The following TNC variants were observed in gnomAD, a reference collection of about 807,000 sequenced individuals.
TNC encodes the protein tenascin.
TNC carries 109 observed loss-of-function variants against 202.4 expected under a neutral mutation model. That is an observed-to-expected ratio of 0.54 (90% CI 0.46 to 0.63). The LOEUF is 0.63. Ranked by LOEUF, TNC falls within the 30% of genes least tolerant of loss-of-function variation. The pLI is 0.00. For synonymous variants in TNC, 1,007 were observed against 1,089.7 expected (o/e 0.92, Z 1.50); for missense variants, 2,756 against 2,833.3 (o/e 0.97, Z 0.62).
chr9:115,045,541 ATTTTT>A (rs61415443), intron 17 of TNC, among the ~76,000 whole-genome samples: 32 of 110,124 alleles, frequency 2.9e-4, no homozygotes, highest in Admixed American at 1.9e-3. Flanking sequence ...TAAGTTTTTG[ATTTTT>A]TTTTTTTTTT....
At chr9:115,069,274 G>C (rs1297225208) in intron 10 of TNC, among the ~76,000 whole-genome samples, 4 of 152,152 alleles carry the variant, frequency 2.6e-5, no homozygotes, top group African/African-American at 9.7e-5. Context: ...ATGAAAATAT[G>C]CTTTGCTGGC....
intron 22 of TNC, among the ~76,000 whole-genome samples, chr9:115,033,709 C>T (rs1422179708): frequency 1.3e-5 from 2 of 152,196 alleles, no homozygotes; most frequent in African/African-American, 4.8e-5. Context: ...AGCCACTCAT[C>T]TCTACTTGCT....
chr9:115,117,280 G>A (rs940135302), intron 1 of TNC, among the ~76,000 whole-genome samples: 1 of 152,052 alleles, frequency 6.6e-6, no homozygotes, highest in African/African-American at 2.4e-5. Context: ...GGATGTTGTT[G>A]CTCAGATCTT....
chr9:115,064,506 G>A (rs1262716990), intron 11 of TNC, 141 bp downstream of exon 11: 4 of 1,108,720 alleles, frequency 3.6e-6, no homozygotes, highest in Non-Finnish European at 2.6e-6. Context: ...TCTGTAGCGT[G>A]ATGGCCTCGT....
chr9:115,084,522 A>G, intron 3 of TNC, 50 bp from the exon 4 acceptor site: 1 of 1,588,972 alleles, frequency 6.3e-7, no homozygotes, highest in African/African-American at 1.3e-5. Flanking sequence ...GTCCTCTAAA[A>G]TCTCTCTAGG....
chr9:115,059,988 G>C lies in TNC; in HGVS notation c.4048C>G (p.Leu1350Val), dbSNP rs755630963. The C allele has an allele frequency of 6.8e-6, 11 of 1,612,958 alleles. No individual in the cohort carries two copies. The highest frequency in any genetic ancestry group is 9.3e-6 in the Non-Finnish European group (11 of 1,179,320). Residue 1350 changes from leucine to valine, a missense_variant, in exon 14 of 28, where the codon CTG becomes GTG. Physicochemically the swap from Leu to Val is conservative, Grantham distance 32. Coordinates refer to ENST00000350763, the MANE Select transcript of TNC (RefSeq NM_002160.4). ...VEVVTEDLPQ[L>V]GDLAVSEVGW... ...ACCTCAGACACGGCTAAATCTCCCA[G>C]CTGTGGGAGATCCTCTGAAGAAGGA...
intron 15 of TNC, among the ~76,000 whole-genome samples, chr9:115,051,541 T>C (rs1831662907): frequency 6.6e-6 from 1 of 151,238 alleles, no homozygotes. Flanking sequence ...TTTTTTCTTT[T>C]TTTTTTTTTT....
chr9:115,057,540 T>C (rs1393950819), intron 14 of TNC, 115 bp from the exon 15 acceptor site: 1 of 1,123,424 alleles, frequency 8.9e-7, no homozygotes, highest in Admixed American at 2.4e-5. Flanking sequence ...GATCTGATAA[T>C]TCAGGGCTAT....
At chr9:115,060,125 GTC>G in intron 13 of TNC, 123 bp from the exon 14 acceptor site, 2 of 1,125,642 alleles carry the variant, frequency 1.8e-6, no homozygotes, top group Non-Finnish European at 2.4e-6. Context: ...TTAATTCTTG[GTC>G]TCTGAGCATT....
intron 4 of TNC, 116 bp from the exon 5 acceptor site, chr9:115,082,923 A>C (rs1386788101): frequency 6.5e-5 from 44 of 677,772 alleles, no homozygotes; most frequent in Non-Finnish European, 1.1e-4. Flanking sequence ...GCTGACAACC[A>C]GAGCAGGTGT....
At chr9:115,083,602 CTTT>C (rs34162026) in intron 4 of TNC, among the ~76,000 whole-genome samples, 6 of 129,480 alleles carry the variant, frequency 4.6e-5, no homozygotes, top group African/African-American at 1.2e-4. Context: ...AATGAGGACT[CTTT>C]TTTTTTTTTT....
At chr9:115,054,903 C>CA (rs1379002936) in intron 15 of TNC, among the ~76,000 whole-genome samples, 1 of 152,106 alleles carries the variant, frequency 6.6e-6, no homozygotes, top group Non-Finnish European at 1.5e-5. Context: ...AAGTACATGT[C>CA]AAAAAAGAGT....
intron 3 of TNC, among the ~76,000 whole-genome samples, 185 bp downstream of exon 3, chr9:115,085,679 T>A (rs1742886291): frequency 6.6e-6 from 1 of 152,202 alleles, no homozygotes; most frequent in Non-Finnish European, 1.5e-5. Flanking sequence ...TAGGTCACCT[T>A]GTAACAACGG....
In TNC at chr9:115,085,922, T is replaced by C. The variant is rs3827815; in HGVS notation, c.1809A>G (p.Gln603=). 0.1 allele frequency: 163,896 copies of C among 1,613,148 alleles called. 8,814 individuals carry two copies. Among genetic ancestry groups the C allele is most frequent in the Middle Eastern group, 0.17 (1,023 of 6,062 alleles). Residue 603 remains glutamine (Q), a synonymous_variant, in exon 3 of 28, where the codon CAA becomes CAG. Coordinates refer to ENST00000350763, the MANE Select transcript of TNC (RefSeq NM_002160.4). ...TGCAGATGCAGCGGCCCGAGACGCA[T>C]TGTCCTAAGTTGTTGCAGTCACTGG... is the stretch of plus-strand genomic sequence containing the variant. ...SCPSDCNNLG[Q]CVSGRCICNE... is the part of the protein sequence containing the mutation.
intron 11 of TNC, 103 bp from the exon 12 acceptor site, chr9:115,064,171 G>A: frequency 7.9e-7 from 1 of 1,269,018 alleles, no homozygotes; most frequent in Non-Finnish European, 1.1e-6. Context: ...CTGAAAAAAT[G>A]TGACTTTCTT....
chr9:115,046,659 G>A lies in TNC; in HGVS notation c.4876C>T (p.Leu1626Phe). ...TCTGGGGTGGCATCTGAAACCAGAA[G>A]GTTGTCAACTTCCGGTTCGGCTTCT... ...VTEAEPEVDN[L>F]LVSDATPDGF... The change falls in exon 17 of 28, where the codon CTT (leucine) becomes TTT (phenylalanine). Residue 1626 changes from leucine to phenylalanine, a missense_variant. By Grantham distance (22) the Leu-to-Phe change is conservative (BLOSUM62 0). Around this residue, in one of 2 missense-constraint regions of TNC, gnomAD observed 2,559 missense variants for 2,546.0 expected, o/e 1.01. Transcript: ENST00000350763. 2 of 1,613,360 alleles carry A rather than the reference G, an allele frequency of 1.2e-6. No homozygotes were observed. Among genetic ancestry groups the A allele is most frequent in the South Asian group, 1.1e-5 (1 of 91,048 alleles).
At position 115,047,641 on chromosome 9, in the gene TNC, G is replaced by C. The variant is rs1308738381; in HGVS notation, c.4852+619C>G. Among the ~76,000 whole-genome samples the C allele has an allele frequency of 2.0e-5, 3 of 152,222 alleles. No homozygotes were observed. In the East Asian group the frequency reaches 5.8e-4, roughly 29 times the overall value. On this transcript the variant is annotated intron_variant, in intron 16 of 27. Coordinates refer to ENST00000350763, the MANE Select transcript of TNC (RefSeq NM_002160.4). ...AATTTCCTCACCGAGTAGGACCTTT[G>C]AACATTCTGTGGAGCTAGTAATCTC...
chr9:115,048,849 C>T (rs1564437162), intron 15 of TNC, among the ~76,000 whole-genome samples: 1 of 152,168 alleles, frequency 6.6e-6, no homozygotes, highest in South Asian at 2.1e-4. Flanking sequence ...AGGTTTGACT[C>T]CAAAGGCCAT....
chr9:115,102,493 A>G (rs1225635961), intron 1 of TNC, among the ~76,000 whole-genome samples: 1 of 152,212 alleles, frequency 6.6e-6, no homozygotes, highest in African/African-American at 2.4e-5. Context: ...GCATGAATAA[A>G]TCTATCAGTC....
Sources: gnomAD v4.1 joint callset for allele counts (sites outside exome capture counted in the v4.1 genomes callset) on GRCh38, gnomAD v4.1.1 for gene constraint, gnomAD v4.1.1 regional missense constraint, MANE v1.5 for transcripts, NCBI Gene and HGNC (gene_info 2026-07-23, HGNC 2026-07-21) for gene names.